NRXN3: variants seen among roughly 807,000 people sequenced by gnomAD.
NRXN3 encodes the protein neurexin 3.
NRXN3 carries 32 observed loss-of-function variants against 137.6 expected under a neutral mutation model. That is an observed-to-expected ratio of 0.23 (90% CI 0.18 to 0.31). The LOEUF is 0.31. NRXN3 is among the 10% of genes least tolerant of loss of function. The probability of loss-of-function intolerance (pLI) is 1.00; values close to 1 mark genes in which losing one functional copy is unlikely to be tolerated. For synonymous variants in NRXN3, 798 were observed against 784.5 expected (o/e 1.02, Z -0.29); for missense variants, 1,574 against 2,062.5 (o/e 0.76, Z 4.59).
intron 19 of NRXN3, among the ~76,000 whole-genome samples, chr14:79,764,785 A>G (rs2099050642): frequency 6.6e-6 from 1 of 152,194 alleles, no homozygotes; most frequent in African/African-American, 2.4e-5. Flanking sequence ...AGGCCAAAAA[A>G]ATGGGATAAA....
chr14:79,202,321 G>C (rs1265919436), intron 15 of NRXN3, among the ~76,000 whole-genome samples: 1 of 152,024 alleles, frequency 6.6e-6, no homozygotes, highest in Non-Finnish European at 1.5e-5. Flanking sequence ...GATTATTAGT[G>C]TGAAGTATAA....
chr14:78,784,147 T>C (rs1183294081), intron 8 of NRXN3, among the ~76,000 whole-genome samples: 4 of 151,482 alleles, frequency 2.6e-5, no homozygotes, highest in African/African-American at 7.3e-5. Flanking sequence ...GCTGATGTGA[T>C]AGAATATGCT....
At chr14:78,519,848 A>G (rs1255652090) in intron 4 of NRXN3, among the ~76,000 whole-genome samples, 1 of 152,216 alleles carries the variant, frequency 6.6e-6, no homozygotes, top group Admixed American at 6.5e-5. Context: ...AGAGAAGTTT[A>G]GAGATGTTTG....
At chr14:79,600,093 A>G (rs966559763) in intron 16 of NRXN3, among the ~76,000 whole-genome samples, 2 of 152,242 alleles carry the variant, frequency 1.3e-5, no homozygotes, top group Non-Finnish European at 2.9e-5. Flanking sequence ...CTTAGAAGTT[A>G]AAGGGCTTGA....
chr14:78,942,382 G>A (rs1169132092), intron 10 of NRXN3, among the ~76,000 whole-genome samples: 3 of 152,172 alleles, frequency 2.0e-5, no homozygotes, highest in African/African-American at 4.8e-5. Flanking sequence ...GAGCCACAAT[G>A]AGTGTTTCAG....
chr14:78,665,567 A>C (rs2097878083), intron 6 of NRXN3, among the ~76,000 whole-genome samples: 1 of 152,168 alleles, frequency 6.6e-6, no homozygotes, highest in South Asian at 2.1e-4. Context: ...AGCCAAACTG[A>C]ATCAATGAGA....
intron 4 of NRXN3, among the ~76,000 whole-genome samples, chr14:78,505,375 C>G (rs578069511): frequency 7.9e-5 from 12 of 152,240 alleles, no homozygotes; most frequent in African/African-American, 2.9e-4. Flanking sequence ...GTAATTCCAT[C>G]AAGGATTTCA....
chr14:79,471,217 G>T (rs2096502792), intron 16 of NRXN3, among the ~76,000 whole-genome samples: 1 of 152,112 alleles, frequency 6.6e-6, no homozygotes, highest in African/African-American at 2.4e-5. Flanking sequence ...AATAGCCCCA[G>T]GGCAGGAGTG....
chr14:78,474,803 A>G (rs1031867408), intron 4 of NRXN3, among the ~76,000 whole-genome samples: 20 of 152,344 alleles, frequency 1.3e-4, no homozygotes, highest in African/African-American at 3.8e-4. Context: ...TACTGCATCA[A>G]TATATGCAAG....
chr14:78,466,219 C>CA (rs1334469185), intron 4 of NRXN3, among the ~76,000 whole-genome samples: 1 of 151,890 alleles, frequency 6.6e-6, no homozygotes, highest in Non-Finnish European at 1.5e-5. Context: ...CTATTGTCTT[C>CA]AAAAAAATAA....
chr14:78,400,657 C>G (rs575465778), intron 4 of NRXN3, among the ~76,000 whole-genome samples: 1 of 152,150 alleles, frequency 6.6e-6, no homozygotes, highest in South Asian at 2.1e-4. Context: ...TAAGTTAAAC[C>G]TGACAATTCT....
chr14:78,594,544 T>A (rs1239378738), intron 4 of NRXN3, among the ~76,000 whole-genome samples: 1 of 152,230 alleles, frequency 6.6e-6, no homozygotes, highest in Non-Finnish European at 1.5e-5. Flanking sequence ...AGGATGGTTT[T>A]CTCAGTAACC....
chr14:78,821,532 T>C (rs2098950736), intron 10 of NRXN3, among the ~76,000 whole-genome samples: 1 of 151,802 alleles, frequency 6.6e-6, no homozygotes, highest in Non-Finnish European at 1.5e-5. Context: ...GCAGAAACAG[T>C]GTATGGCAGC....
At chr14:79,850,236 A>C (rs2099388847) in intron 20 of NRXN3, among the ~76,000 whole-genome samples, 1 of 152,202 alleles carries the variant, frequency 6.6e-6, no homozygotes. Context: ...CCAGTGTTGC[A>C]CGAAGACTGT....
intron 19 of NRXN3, among the ~76,000 whole-genome samples, chr14:79,728,868 G>A (rs2098909204): frequency 6.6e-6 from 1 of 152,164 alleles, no homozygotes. Context: ...AAAGGGAAAG[G>A]GAGGTGATCT....
At chr14:79,503,401 C>A (rs2153677402) in intron 16 of NRXN3, among the ~76,000 whole-genome samples, 1 of 152,274 alleles carries the variant, frequency 6.6e-6, no homozygotes, top group South Asian at 2.1e-4. Flanking sequence ...CCATTCTCCC[C>A]CACTCATCCT....
At chr14:79,614,021 A>G (rs1603095807) in intron 16 of NRXN3, among the ~76,000 whole-genome samples, 1 of 152,230 alleles carries the variant, frequency 6.6e-6, no homozygotes, top group South Asian at 2.1e-4. Flanking sequence ...TTATTTTCTA[A>G]TAACAATTCA....
chr14:79,654,726 A>C (rs113941942), intron 16 of NRXN3, among the ~76,000 whole-genome samples: 71 of 152,298 alleles, frequency 4.7e-4, no homozygotes, highest in African/African-American at 1.7e-3. Flanking sequence ...TGAAATGTGT[A>C]TATTAATTTT....
intron 10 of NRXN3, among the ~76,000 whole-genome samples, chr14:78,874,574 A>G (rs2099109317): frequency 6.6e-6 from 1 of 152,070 alleles, no homozygotes; most frequent in African/African-American, 2.4e-5. Flanking sequence ...TATTTTCTTC[A>G]TCTTTGCCTT....
Sources: allele counts gnomAD v4.1 joint callset (sites outside exome capture counted in the v4.1 genomes callset), GRCh38; gene constraint gnomAD v4.1.1; transcripts MANE v1.5; gene names NCBI Gene and HGNC (gene_info 2026-07-23, HGNC 2026-07-21).